Variants in CELF2 observed in about 807,000 individuals in gnomAD.
CELF2 encodes CUGBP Elav-like family member 2.
Under a neutral mutation model 62.6 loss-of-function variants are expected in CELF2, and 8 were observed. That is an observed-to-expected ratio of 0.13 (90% CI 0.07 to 0.23). The LOEUF (loss-of-function observed/expected upper bound fraction) is 0.23. Ranked by LOEUF, CELF2 falls within the 10% of genes least tolerant of loss-of-function variation. The pLI is 1.00. For missense variants in CELF2, 333 were observed against 671.0 expected (o/e 0.50, Z 5.56); for synonymous variants, 258 against 250.0 (o/e 1.03, Z -0.30).
At chr10:10,799,752 C>A (rs1340875619) in intron 1 of CELF2, among the ~76,000 whole-genome samples, 1 of 152,204 alleles carries the variant, frequency 6.6e-6, no homozygotes, top group Non-Finnish European at 1.5e-5. Flanking sequence ...CTAGAAAGGG[C>A]AGAGTTCATG....
the CELF2 span, among the ~76,000 whole-genome samples, chr10:10,753,573 A>C: frequency 1.5e-4 from 23 of 152,320 alleles, no homozygotes; most frequent in African/African-American, 5.5e-4. Flanking sequence ...GGACCGGGAA[A>C]CACACTACCA....
At chr10:10,814,048 T>G (rs1349186505) in intron 1 of CELF2, among the ~76,000 whole-genome samples, 1 of 151,864 alleles carries the variant, frequency 6.6e-6, no homozygotes, top group Non-Finnish European at 1.5e-5. Flanking sequence ...CAAACAACAG[T>G]GCACACTTTG....
At chr10:10,711,821 G>A in the CELF2 span, among the ~76,000 whole-genome samples, 1 of 152,162 alleles carries the variant, frequency 6.6e-6, no homozygotes, top group African/African-American at 2.4e-5. Flanking sequence ...GGTGGAGGTT[G>A]CAGTGAGCCG....
At chr10:11,287,046 G>A (rs929852728) in intron 8 of CELF2, among the ~76,000 whole-genome samples, 30 of 152,290 alleles carry the variant, frequency 2.0e-4, no homozygotes, top group Admixed American at 1.4e-3. Flanking sequence ...ACTGAGCTGC[G>A]CCCGTGGCTG....
At chr10:10,866,495 T>C (rs1481390255) in intron 1 of CELF2, among the ~76,000 whole-genome samples, 1 of 150,764 alleles carries the variant, frequency 6.6e-6, no homozygotes, top group East Asian at 2.0e-4. Context: ...GTCCCAATTA[T>C]GCTGGAGGCT....
the CELF2 span, among the ~76,000 whole-genome samples, chr10:10,715,606 G>T: frequency 6.6e-6 from 1 of 152,134 alleles, no homozygotes; most frequent in African/African-American, 2.4e-5. Context: ...CTGTAGGATT[G>T]TTCTATGAAA....
intron 1 of CELF2, among the ~76,000 whole-genome samples, chr10:10,894,371 G>T (rs1030656564): frequency 6.6e-6 from 1 of 152,210 alleles, no homozygotes; most frequent in African/African-American, 2.4e-5. Flanking sequence ...TGGATTTAAT[G>T]TAATGTCTAA....
intron 5 of CELF2, among the ~76,000 whole-genome samples, chr10:11,264,909 C>T (rs1358652049): frequency 6.6e-6 from 1 of 152,216 alleles, no homozygotes; most frequent in African/African-American, 2.4e-5. Flanking sequence ...TTCTTCAAGC[C>T]AGCTTAGCCA....
chr10:10,863,908 C>A (rs2060197394), intron 1 of CELF2, among the ~76,000 whole-genome samples: 1 of 152,178 alleles, frequency 6.6e-6, no homozygotes, highest in Non-Finnish European at 1.5e-5. Flanking sequence ...CAATCAAATA[C>A]TTTATTTGTA....
rs1223906065 is a variant in CELF2, at chr10:11,331,252, A to C, written c.*2199A>C. The C allele has an allele frequency of 6.6e-6, 1 of 152,082 alleles. No homozygotes were observed. The highest frequency in any genetic ancestry group is 1.5e-5 in the Non-Finnish European group (1 of 67,920). The allele number at this position is 152,082 out of a possible 1,614,324, so 9.4% of individuals were successfully genotyped here. A position where few individuals can be genotyped will look rare whatever the true frequency, so the allele number is the denominator to read the frequency against. On this transcript the variant is annotated 3_prime_UTR_variant, in exon 13 of 13. Coordinates refer to ENST00000633077, the MANE Select transcript of CELF2 (RefSeq NM_001326342.2). The stretch of plus-strand genomic sequence containing the variant: ...ATGAGTCTTAATGTTCTTTGTTGAT[A>C]AGACAAGTTTAGAATTGGTTTACTT...
intron 1 of CELF2, among the ~76,000 whole-genome samples, chr10:11,135,074 C>T (rs759978426): frequency 1.3e-5 from 2 of 152,112 alleles, no homozygotes; most frequent in Non-Finnish European, 2.9e-5. Context: ...TGACTTGATG[C>T]TCTGAGAGGC....
chr10:11,220,144 CT>C lies in CELF2; in HGVS notation c.354+2638del, dbSNP rs2064404138. Among the ~76,000 whole-genome samples, 1 of 152,160 alleles carries C rather than the reference CT, an allele frequency of 6.6e-6. No individual in the cohort carries two copies. Among genetic ancestry groups the C allele is most frequent in the Non-Finnish European group, 1.5e-5 (1 of 68,020 alleles). On this transcript the variant is annotated intron_variant, in intron 3 of 12. Coordinates refer to ENST00000633077, the MANE Select transcript of CELF2 (RefSeq NM_001326342.2). This position sits in a 1 kb window ranked among gnomAD's most constrained non-coding sequence, Gnocchi z 4.4. ...AGCTTTTCTGGTTGTAATCATTTTC[CT>C]GTGGATAAAATCCATTAAAAAGTCA... is the stretch of plus-strand genomic sequence containing the variant.
intron 12 of CELF2, among the ~76,000 whole-genome samples, chr10:11,327,200 CG>C (rs969289749): frequency 6.4e-3 from 185 of 28,834 alleles, no homozygotes; most frequent in African/African-American, 0.021. Context: ...TTATGGGGGG[CG>C]GGGGGGTGTG....
At chr10:10,779,363 G>A in the CELF2 span, among the ~76,000 whole-genome samples, 2 of 152,168 alleles carry the variant, frequency 1.3e-5, no homozygotes, top group Admixed American at 1.3e-4. Context: ...CCTGCACTTC[G>A]CACATGTAAA....
At chr10:10,709,998 T>C in the CELF2 span, among the ~76,000 whole-genome samples, 2 of 152,230 alleles carry the variant, frequency 1.3e-5, no homozygotes, top group South Asian at 4.1e-4. Flanking sequence ...AGACTAAGAA[T>C]ATATGCTTCA....
chr10:10,651,363 C>A, the CELF2 span, among the ~76,000 whole-genome samples: 2 of 148,726 alleles, frequency 1.3e-5, no homozygotes, highest in East Asian at 1.9e-4. Flanking sequence ...CTGGGTGGAA[C>A]CCACCACAGC....
the CELF2 span, among the ~76,000 whole-genome samples, chr10:10,716,706 C>T: frequency 6.6e-6 from 1 of 152,206 alleles, no homozygotes; most frequent in African/African-American, 2.4e-5. Flanking sequence ...GTGCACACCA[C>T]ATCTAAGTAT....
At chr10:10,994,090 A>C (rs2053701398) in intron 2 of CELF2, among the ~76,000 whole-genome samples, 1 of 152,182 alleles carries the variant, frequency 6.6e-6, no homozygotes, top group Non-Finnish European at 1.5e-5. Context: ...GCTGACTAAC[A>C]CAAGTATCTT....
intron 2 of CELF2, among the ~76,000 whole-genome samples, chr10:11,189,055 T>C (rs890478497): frequency 2.0e-5 from 3 of 152,200 alleles, no homozygotes; most frequent in African/African-American, 7.2e-5. Flanking sequence ...CCTTGTCTGC[T>C]AATTCTAGCA....
Sources: allele counts gnomAD v4.1 joint callset (sites outside exome capture counted in the v4.1 genomes callset), GRCh38; gene constraint gnomAD v4.1.1; non-coding constraint Gnocchi (gnomAD v3.1); transcripts MANE v1.5; gene names NCBI Gene and HGNC (gene_info 2026-07-23, HGNC 2026-07-21).